PIEZO2: variants seen among roughly 807,000 people sequenced by gnomAD.
The protein encoded by PIEZO2 is piezo-type mechanosensitive ion channel component 2.
Under a neutral mutation model 337.3 loss-of-function variants are expected in PIEZO2, and 172 were observed. The ratio of observed to expected loss-of-function variants is 0.51; its 90% CI spans 0.45 to 0.58. The LOEUF (loss-of-function observed/expected upper bound fraction) is 0.58. Ranked by LOEUF, PIEZO2 falls within the 20% of genes least tolerant of loss-of-function variation. The pLI is 0.00. For missense variants in PIEZO2, 3,028 were observed against 3,391.3 expected (o/e 0.89, Z 2.66); for synonymous variants, 1,251 against 1,228.5 (o/e 1.02, Z -0.38).
intron 2 of PIEZO2, among the ~76,000 whole-genome samples, chr18:11,042,038 C>A (rs187867540): frequency 6.6e-6 from 1 of 152,166 alleles, no homozygotes; most frequent in Non-Finnish European, 1.5e-5. Context: ...TTGCTGAAGG[C>A]CAAATCATCT....
chr18:10,932,389 G>C (rs1426741555), intron 3 of PIEZO2, among the ~76,000 whole-genome samples: 4 of 151,824 alleles, frequency 2.6e-5, no homozygotes, highest in Non-Finnish European at 1.5e-5. Flanking sequence ...GAGGAAGACT[G>C]TCTCAAAAAC....
intron 23 of PIEZO2, among the ~76,000 whole-genome samples, chr18:10,761,443 GA>G (rs1156373776): frequency 2.0e-5 from 3 of 152,164 alleles, no homozygotes; most frequent in Admixed American, 6.5e-5. Context: ...TTTGCAGCCA[GA>G]AGTGCAAAAA....
Position 10,850,928 on chromosome 18 carries a change from TAA to T in PIEZO2, c.917+4423_917+4424del, listed in dbSNP as rs2041528936. On this transcript the variant is annotated intron_variant, in intron 7 of 55. Transcript: ENST00000674853. The surrounding 1 kb of genome is among the most constrained non-coding windows in gnomAD (Gnocchi z 4.5). ...AATATCAATTCAATATTTCTAAAAA[TAA>T]GGTTAATTCTCACCAGAGAGCACAT... Among the ~76,000 whole-genome samples, 1 of 152,132 alleles carries T rather than the reference TAA, an allele frequency of 6.6e-6. No homozygotes were observed. Among genetic ancestry groups the T allele is most frequent in the Non-Finnish European group, 1.5e-5 (1 of 68,022 alleles).
At chr18:10,679,459 G>A (rs375960598) in intron 52 of PIEZO2, among the ~76,000 whole-genome samples, 1 of 152,140 alleles carries the variant, frequency 6.6e-6, no homozygotes, top group Non-Finnish European at 1.5e-5. Flanking sequence ...TAAGGAGCAG[G>A]ATATTGATTT....
rs1186984374 is a variant in PIEZO2, at chr18:11,116,813, T to G, written c.64+31712A>C. Among the ~76,000 whole-genome samples, 1 of 150,356 alleles carries G rather than the reference T, an allele frequency of 6.7e-6. No individual in the cohort carries two copies. Among genetic ancestry groups the G allele is most frequent in the African/African-American group, 2.4e-5 (1 of 40,864 alleles). ...TAGGGTGACTATAGTTAACAATAATTTATTGTGTATTTCAGCCAGGCACGG... is the reference window on the plus strand; with the variant it reads ...TAGGGTGACTATAGTTAACAATAATGTATTGTGTATTTCAGCCAGGCACGG... On this transcript the variant is annotated intron_variant, in intron 1 of 55. Transcript: ENST00000674853. The surrounding 1 kb of genome is among the most constrained non-coding windows in gnomAD (Gnocchi z 5.0).
rs2040894766 is a variant in PIEZO2, at chr18:11,149,321, G to C, written c.-733C>G. On this transcript the variant is annotated 5_prime_UTR_variant, in exon 1 of 56. Transcript: ENST00000674853. This position sits in a 1 kb window ranked among gnomAD's most constrained non-coding sequence, Gnocchi z 8.7. ...ACCACGGGGCTCGCCTTGTGGGTCC[G>C]GTGCGCGGGCGGCGCTGCGAGTCCC... Among the ~76,000 whole-genome samples, 1 of 151,620 alleles carries C rather than the reference G, an allele frequency of 6.6e-6. No homozygotes were observed. The highest frequency in any genetic ancestry group is 2.4e-5 in the African/African-American group (1 of 41,286).
chr18:11,044,977 CA>C (rs977742781), intron 2 of PIEZO2, among the ~76,000 whole-genome samples: 156 of 142,310 alleles, frequency 1.1e-3, no homozygotes, highest in Admixed American at 2.5e-3. Flanking sequence ...ACTAAGACCT[CA>C]TTTCTAAAAA....
In PIEZO2 at chr18:10,988,019, C is replaced by A. The variant is rs2034945513; in HGVS notation, c.161-8359G>T. Among the ~76,000 whole-genome samples the A allele has an allele frequency of 6.6e-6, 1 of 152,006 alleles. No homozygotes were observed. Among genetic ancestry groups the A allele is most frequent in the South Asian group, 2.1e-4 (1 of 4,824 alleles). ...CACCTCTGCTGTGGTCTGAATGTGA[C>A]CCCCAAAATTCATATGTTGAAACTT... On this transcript the variant is annotated intron_variant, in intron 2 of 55. Coordinates refer to ENST00000674853, the MANE Select transcript of PIEZO2 (RefSeq NM_001378183.1). This position sits in a 1 kb window ranked among gnomAD's most constrained non-coding sequence, Gnocchi z 4.8.
rs570343003 is a variant in PIEZO2 at position 10,889,697 on chromosome 18, G to A, written c.330-18282C>T. 9.2e-5 allele frequency among the ~76,000 whole-genome samples: 14 copies of A among 152,284 alleles called. No homozygotes were observed. The South Asian group carries it at 1.0e-3, about 11-fold the overall frequency. On this transcript the variant is annotated intron_variant, in intron 4 of 55. Transcript: ENST00000674853. ...AAGGTACAGGTGAAGCAGGACAACT[G>A]TTTCTGAAGCTCTTTACACAGTGGA... is the stretch of plus-strand genomic sequence containing the variant.
chr18:10,689,626 G>A (rs750309847), intron 49 of PIEZO2, 29 bp downstream of exon 49: 1 of 1,613,836 alleles, frequency 6.2e-7, no homozygotes, highest in Non-Finnish European at 8.5e-7. Flanking sequence ...GAAGCAGACA[G>A]GAATAAGGCA....
At chr18:10,994,183 A>G (rs2035215767) in intron 2 of PIEZO2, among the ~76,000 whole-genome samples, 1 of 152,156 alleles carries the variant, frequency 6.6e-6, no homozygotes, top group Non-Finnish European at 1.5e-5. Flanking sequence ...AATGCCATCA[A>G]TTCATTCCCT....
chr18:10,716,123 C>T lies in PIEZO2; in HGVS notation c.5090-307G>A, dbSNP rs941639795. 6.6e-6 allele frequency among the ~76,000 whole-genome samples: 1 copy of T among 152,160 alleles called. No homozygotes were observed. The highest frequency in any genetic ancestry group is 2.4e-5 in the African/African-American group (1 of 41,426). ...CATGGGTTTGGACAGCGTGGATCCA[C>T]TCTACGCGTGGATTGTTTTCAGTAA... On this transcript the variant is annotated intron_variant, in intron 37 of 55. Transcript: ENST00000674853. This position sits in a 1 kb window ranked among gnomAD's most constrained non-coding sequence, Gnocchi z 4.1.
chr18:11,133,759 G>T (rs1028045658), intron 1 of PIEZO2, among the ~76,000 whole-genome samples: 2 of 151,548 alleles, frequency 1.3e-5, no homozygotes, highest in African/African-American at 4.9e-5. Context: ...GGGAACTTGT[G>T]ATCGCGTAAG....
intron 2 of PIEZO2, among the ~76,000 whole-genome samples, chr18:11,039,697 T>C (rs552607466): frequency 6.6e-6 from 1 of 152,122 alleles, no homozygotes; most frequent in East Asian, 1.9e-4. Context: ...ATATATGTCA[T>C]CCTATTAACC....
intron 9 of PIEZO2, among the ~76,000 whole-genome samples, chr18:10,801,877 G>C (rs1441062450): frequency 1.3e-5 from 2 of 151,996 alleles, no homozygotes; most frequent in African/African-American, 4.8e-5. Flanking sequence ...ACGAGGCCAG[G>C]GGATCGAGAC....
intron 47 of PIEZO2, among the ~76,000 whole-genome samples, chr18:10,691,782 CAT>C (rs33977962): frequency 0.27 from 25,732 of 96,718 alleles, 4,575 homozygotes; most frequent in South Asian, 0.32. Flanking sequence ...CACACACACA[CAT>C]ATATATATAT....
At chr18:10,734,341 A>T (rs1243828189) in intron 35 of PIEZO2, among the ~76,000 whole-genome samples, 1 of 152,226 alleles carries the variant, frequency 6.6e-6, no homozygotes, top group Non-Finnish European at 1.5e-5. Context: ...AGGCCCAGCC[A>T]CGGTTGTGCT....
chr18:10,882,733 C>CT (rs2042456859), intron 4 of PIEZO2, among the ~76,000 whole-genome samples: 1 of 151,390 alleles, frequency 6.6e-6, no homozygotes, highest in South Asian at 2.1e-4. Flanking sequence ...CTGTGCATGG[C>CT]TTGTTTCATT....
At chr18:11,142,650 G>A (rs2040684963) in intron 1 of PIEZO2, among the ~76,000 whole-genome samples, 1 of 151,878 alleles carries the variant, frequency 6.6e-6, no homozygotes, top group Admixed American at 6.6e-5. Context: ...CTGGGGTGGT[G>A]CACGCCTGTA....
Sources: allele counts gnomAD v4.1 joint callset (sites outside exome capture counted in the v4.1 genomes callset), GRCh38; gene constraint gnomAD v4.1.1; non-coding constraint Gnocchi (gnomAD v3.1); transcripts MANE v1.5; gene names NCBI Gene and HGNC (gene_info 2026-07-23, HGNC 2026-07-21).